PAK3: variants seen among roughly 807,000 people sequenced by gnomAD.
PAK3 encodes p21 (RAC1) activated kinase 3, also known as serine/threonine-protein kinase PAK 3.
In PAK3, 4 loss-of-function variants were observed where a neutral mutation model predicts 41.0. The ratio of observed to expected loss-of-function variants is 0.10; its 90% CI spans 0.05 to 0.22. The LOEUF (loss-of-function observed/expected upper bound fraction) is 0.22, where lower values mean the gene tolerates loss of function less well. Ranked by LOEUF, PAK3 falls within the 10% of genes least tolerant of loss-of-function variation. The pLI is 1.00. For synonymous variants in PAK3, 146 were observed against 139.6 expected, an observed-to-expected ratio of 1.05 and a Z score of -0.32; for missense variants, 205 against 409.9, an observed-to-expected ratio of 0.50 and a Z score of 4.32.
rs375476309 is a variant in PAK3 at position 111,196,854 on chromosome X, C to CT, written c.1407+232dup. Among the ~76,000 whole-genome samples the CT allele has an allele frequency of 6.8e-3, 538 of 79,172 alleles. 1 individual carries two copies. Among genetic ancestry groups the CT allele is most frequent in the East Asian group, 0.02 (49 of 2,440 alleles). The allele number at this position is 79,172 out of a possible 115,157, so 68.8% of individuals were successfully genotyped here. A position where few individuals can be genotyped will look rare whatever the true frequency, so the allele number is the denominator to read the frequency against. On this transcript the variant is annotated intron_variant, in intron 16 of 17. Coordinates refer to ENST00000372007, the MANE Select transcript of PAK3 (RefSeq NM_002578.5). ...TCCTTGTCTTTTTCTTTCTTTCTTT[C>CT]TTTTTTTTTTTTTTTTTTGGAGAAA...
chrX:110,975,709 A>G (rs900467644), intron 1 of PAK3, among the ~76,000 whole-genome samples: 6 of 111,946 alleles, frequency 5.4e-5, no homozygotes, highest in African/African-American at 2.0e-4. Flanking sequence ...ACTTCAAACT[A>G]TACTACAAGG....
At chrX:110,954,681 G>A (rs939215166) in intron 1 of PAK3, among the ~76,000 whole-genome samples, 1 of 111,797 alleles carries the variant, frequency 8.9e-6, no homozygotes, top group African/African-American at 3.3e-5. Context: ...AATGTTGCCA[G>A]AATTATTGTG....
chrX:111,061,867 T>C (rs1487926401), intron 1 of PAK3, among the ~76,000 whole-genome samples: 1 of 111,059 alleles, frequency 9.0e-6, no homozygotes, highest in Non-Finnish European at 1.9e-5. Flanking sequence ...CAGGCTAGAA[T>C]ACTGTGGCAC....
At position 111,225,109 on chromosome X, in the gene PAK3, G is replaced by A. The variant is rs773525077; in HGVS notation, c.*4662G>A. 1.5e-4 allele frequency: 17 copies of A among 112,188 alleles called. No homozygotes were observed. Among genetic ancestry groups the A allele is most frequent in the African/African-American group, 5.2e-4 (16 of 30,937 alleles). 9.2% of individuals were successfully genotyped at this position (112,188 alleles called of 1,213,427 possible). On this transcript the variant is annotated 3_prime_UTR_variant, in exon 18 of 18. Transcript: ENST00000372007. The stretch of plus-strand genomic sequence containing the variant: ...GAACGTGTATTTGCATGTGGACTGG[G>A]AAGGAAATAAATGGGAACTTGGAAA...
At chrX:111,218,564 G>A (rs751406472) in intron 17 of PAK3, among the ~76,000 whole-genome samples, 31 of 111,784 alleles carry the variant, frequency 2.8e-4, no homozygotes, top group East Asian at 5.7e-4. Context: ...TCAAATGGAA[G>A]GAAGTGTTAG....
intron 1 of PAK3, among the ~76,000 whole-genome samples, chrX:111,049,429 G>A (rs1178244916): frequency 1.8e-5 from 2 of 112,190 alleles, no homozygotes; most frequent in Non-Finnish European, 3.8e-5. Context: ...ACAGTGCCTG[G>A]TATGTAGTAG....
intron 1 of PAK3, among the ~76,000 whole-genome samples, chrX:111,038,802 C>A (rs2092425307): frequency 8.9e-6 from 1 of 111,949 alleles, no homozygotes; most frequent in Admixed American, 9.5e-5. Context: ...AGATCAGTAT[C>A]TGACATATGT....
At chrX:111,139,310 C>T (rs1308599522) in intron 5 of PAK3, among the ~76,000 whole-genome samples, 1 of 111,117 alleles carries the variant, frequency 9.0e-6, no homozygotes, top group East Asian at 2.8e-4. Flanking sequence ...TCTAGTAAAT[C>T]TGAAGTACCC....
intron 5 of PAK3, among the ~76,000 whole-genome samples, chrX:111,124,550 T>C (rs776087728): frequency 2.7e-5 from 3 of 112,276 alleles, no homozygotes; most frequent in Non-Finnish European, 5.6e-5. Context: ...AGAAGGGGAT[T>C]ACATGCCTGC....
intron 6 of PAK3, among the ~76,000 whole-genome samples, chrX:111,142,786 T>C (rs774409184): frequency 5.4e-5 from 6 of 110,884 alleles, no homozygotes; most frequent in Admixed American, 1.9e-4. Flanking sequence ...GTTTTGGGCA[T>C]CTCTCTCCTC....
chrX:111,016,381 CATT>C (rs2092089896), intron 1 of PAK3, among the ~76,000 whole-genome samples: 1 of 111,250 alleles, frequency 9.0e-6, no homozygotes, highest in East Asian at 2.8e-4. Context: ...TAGCTGGTAT[CATT>C]ATTTGTGCAC....
At chrX:111,181,994 G>C (rs2149278532) in intron 11 of PAK3, among the ~76,000 whole-genome samples, 1 of 112,048 alleles carries the variant, frequency 8.9e-6, no homozygotes, top group Non-Finnish European at 1.9e-5. Context: ...AGCAATGGAA[G>C]ATGCTCTTTG....
At chrX:111,107,713 C>T (rs771984674) in intron 4 of PAK3, among the ~76,000 whole-genome samples, 16 of 111,963 alleles carry the variant, frequency 1.4e-4, no homozygotes, top group Non-Finnish European at 2.8e-4. Flanking sequence ...TGGAATATAA[C>T]CCAACTCCCT....
chrX:110,999,292 T>C (rs1004296704), intron 1 of PAK3, among the ~76,000 whole-genome samples: 2 of 111,615 alleles, frequency 1.8e-5, no homozygotes, highest in African/African-American at 6.5e-5. Context: ...CACATGCCCA[T>C]GCAGTGACCA....
chrX:111,028,330 G>A (rs1276991486), intron 1 of PAK3, among the ~76,000 whole-genome samples: 1 of 109,032 alleles, frequency 9.2e-6, no homozygotes, highest in Non-Finnish European at 1.9e-5. Flanking sequence ...CAAAAATATC[G>A]GAAATCACCA....
intron 1 of PAK3, among the ~76,000 whole-genome samples, chrX:111,086,654 C>T (rs192173343): frequency 9.0e-6 from 1 of 111,417 alleles, no homozygotes; most frequent in East Asian, 2.8e-4. Flanking sequence ...TGAAAATCTG[C>T]CCCAACAGAC....
chrX:111,150,934 A>G (rs2094018121), intron 7 of PAK3, among the ~76,000 whole-genome samples: 1 of 111,875 alleles, frequency 8.9e-6, no homozygotes, highest in African/African-American at 3.2e-5. Flanking sequence ...TAGTATAAGC[A>G]GGCTTTAAGT....
intron 1 of PAK3, among the ~76,000 whole-genome samples, chrX:111,067,126 T>G (rs187969342): frequency 5.5e-4 from 62 of 111,931 alleles, no homozygotes; most frequent in African/African-American, 1.9e-3. Flanking sequence ...TTTTGTCTCT[T>G]GCTTTCGAAT....
At chrX:111,026,011 C>G (rs2092264614) in intron 1 of PAK3, among the ~76,000 whole-genome samples, 1 of 111,402 alleles carries the variant, frequency 9.0e-6, no homozygotes, top group South Asian at 3.7e-4. Flanking sequence ...ATATTTAACT[C>G]AATAAATGTG....
Sources: allele counts gnomAD v4.1 joint callset (sites outside exome capture counted in the v4.1 genomes callset), GRCh38; gene constraint gnomAD v4.1.1; transcripts MANE v1.5; gene names NCBI Gene and HGNC (gene_info 2026-07-23, HGNC 2026-07-21).